RBM20: variants seen among roughly 807,000 people sequenced by gnomAD.
The protein encoded by RBM20 is RNA binding motif protein 20.
In RBM20, 51 loss-of-function variants were observed where a neutral mutation model predicts 110.1. That is an observed-to-expected ratio of 0.46 (90% CI 0.37 to 0.59). The LOEUF (loss-of-function observed/expected upper bound fraction) is 0.59. Ranked by LOEUF, RBM20 falls within the 20% of genes least tolerant of loss-of-function variation. The pLI, the probability that RBM20 is intolerant of heterozygous loss-of-function variation, is 0.00. For missense variants in RBM20, 1,512 were observed against 1,574.9 expected, an observed-to-expected ratio of 0.96 and a Z score of 0.68; for synonymous variants, 589 against 618.2, an observed-to-expected ratio of 0.95 and a Z score of 0.70.
In RBM20 at chr10:110,800,534, G is replaced by A. The variant is rs185035891; in HGVS notation, c.1800+616G>A. 9.2e-4 allele frequency among the ~76,000 whole-genome samples: 140 copies of A among 152,170 alleles called. 1 individual carries two copies. The highest frequency in any genetic ancestry group is 3.1e-3 in the African/African-American group (128 of 41,504). On this transcript the variant is annotated intron_variant, in intron 7 of 13. Coordinates refer to ENST00000369519, the MANE Select transcript of RBM20 (RefSeq NM_001134363.3). ...ACAGAAAAATGGCTGATTATATATT[G>A]TATGGTTTAAAAAGTAATAATGGGT...
intron 10 of RBM20, 65 bp from the exon 11 acceptor site, chr10:110,821,210 G>C: frequency 1.4e-6 from 2 of 1,388,764 alleles, no homozygotes; most frequent in East Asian, 5.0e-5. Context: ...TTATGGCCAA[G>C]TCTTGTGCCT....
intron 5 of RBM20, among the ~76,000 whole-genome samples, chr10:110,795,082 A>G (rs947127840): frequency 2.4e-4 from 37 of 152,244 alleles, no homozygotes; most frequent in African/African-American, 8.9e-4. Context: ...GCAAAGTCAC[A>G]TGGGGCAGAA....
chr10:110,819,125 G>C (rs1487000094), intron 9 of RBM20, among the ~76,000 whole-genome samples: 1 of 152,192 alleles, frequency 6.6e-6, no homozygotes, highest in Non-Finnish European at 1.5e-5. Context: ...GAATGTCCTA[G>C]AACTGCAGCT....
chr10:110,665,188 T>C (rs546682039), intron 1 of RBM20, among the ~76,000 whole-genome samples: 13 of 152,298 alleles, frequency 8.5e-5, no homozygotes, highest in African/African-American at 2.9e-4. Context: ...AAATTCTTCA[T>C]AGAAGAATGC....
chr10:110,701,104 G>A (rs1236264821), intron 1 of RBM20, among the ~76,000 whole-genome samples: 1 of 152,170 alleles, frequency 6.6e-6, no homozygotes. Flanking sequence ...TCATTGCAAA[G>A]GAAATGTCAT....
At position 110,644,741 on chromosome 10, in the gene RBM20, C is replaced by T. The variant is rs1861844172; in HGVS notation, c.191+96C>T. On this transcript the variant is annotated intron_variant, in intron 1 of 13. Transcript: ENST00000369519. This position sits in a 1 kb window ranked among gnomAD's most constrained non-coding sequence, Gnocchi z 4.3. ...TTCATTTCCCGTCCCTGCTGAACTT[C>T]GCTCGCCCCCCTTGGGTTTGAAGTT... 7.4e-6 allele frequency: 7 copies of T among 948,174 alleles called. No homozygotes were observed. The highest frequency in any genetic ancestry group is 3.2e-5 in the East Asian group (1 of 31,484). 58.7% of individuals were successfully genotyped at this position (948,174 alleles called of 1,614,324 possible).
At chr10:110,835,691 G>A (rs114129064) in intron 13 of RBM20, 177 bp from the exon 14 acceptor site, 253 of 521,500 alleles carry the variant, frequency 4.9e-4, no homozygotes, top group African/African-American at 4.3e-3. Context: ...AACATAATGA[G>A]GTACTTAGCA....
intron 1 of RBM20, among the ~76,000 whole-genome samples, chr10:110,768,217 G>T (rs777510239): frequency 6.6e-6 from 1 of 151,334 alleles, no homozygotes; most frequent in Non-Finnish European, 1.5e-5. Flanking sequence ...GAGGTAGACC[G>T]TGGAAAGAGG....
intron 1 of RBM20, among the ~76,000 whole-genome samples, chr10:110,695,160 C>T (rs2134882841): frequency 6.6e-6 from 1 of 152,232 alleles, no homozygotes; most frequent in African/African-American, 2.4e-5. Flanking sequence ...TTTTCTGGCC[C>T]CTGCTGAGTG....
intron 2 of RBM20, among the ~76,000 whole-genome samples, 163 bp downstream of exon 2, chr10:110,782,047 G>C (rs1055901394): frequency 1.3e-5 from 2 of 152,214 alleles, no homozygotes; most frequent in African/African-American, 4.8e-5. Flanking sequence ...GGACCCATAG[G>C]AATTTCAGAA....
chr10:110,724,515 A>G lies in RBM20; in HGVS notation c.192-56286A>G, dbSNP rs148616900. On this transcript the variant is annotated intron_variant, in intron 1 of 13. Transcript: ENST00000369519. ...GTTCTGTTTCTGGAGACAGAGCAGG[A>G]ACCATTGACTTGAATCACGTTAGCA... 2.9e-3 allele frequency among the ~76,000 whole-genome samples: 437 copies of G among 152,344 alleles called. 6 individuals are homozygous for G. The highest frequency in any genetic ancestry group is 9.7e-3 in the African/African-American group (404 of 41,574).
chr10:110,769,364 T>C (rs939825355), intron 1 of RBM20, among the ~76,000 whole-genome samples: 2 of 152,190 alleles, frequency 1.3e-5, no homozygotes, highest in Admixed American at 6.5e-5. Flanking sequence ...AACTTTCAGC[T>C]TTCTGGAAGC....
chr10:110,721,746 C>A (rs1456833980), intron 1 of RBM20, among the ~76,000 whole-genome samples: 2 of 152,114 alleles, frequency 1.3e-5, no homozygotes, highest in African/African-American at 4.8e-5. Flanking sequence ...CTCTCTGCAC[C>A]TTCTCATTTC....
chr10:110,742,215 A>T (rs530956885), intron 1 of RBM20, among the ~76,000 whole-genome samples: 1 of 152,258 alleles, frequency 6.6e-6, no homozygotes, highest in South Asian at 2.1e-4. Context: ...TGACTTTTCT[A>T]TCTACACCTC....
chr10:110,713,729 G>C (rs756496486), intron 1 of RBM20, among the ~76,000 whole-genome samples: 1 of 152,152 alleles, frequency 6.6e-6, no homozygotes. Context: ...CCCTAAAGTA[G>C]GTAGAGCACA....
chr10:110,658,957 T>A (rs1192661661), intron 1 of RBM20, among the ~76,000 whole-genome samples: 3 of 152,178 alleles, frequency 2.0e-5, no homozygotes, highest in East Asian at 3.9e-4. Context: ...GTCCGTGCTC[T>A]CCTCTTGCTT....
chr10:110,750,232 A>G (rs1843835314), intron 1 of RBM20, among the ~76,000 whole-genome samples: 1 of 152,238 alleles, frequency 6.6e-6, no homozygotes, highest in Non-Finnish European at 1.5e-5. Flanking sequence ...TTTTAAGACA[A>G]CACAAAGCAA....
intron 12 of RBM20, among the ~76,000 whole-genome samples, chr10:110,824,489 G>A (rs1844958316): frequency 1.3e-5 from 2 of 152,196 alleles, no homozygotes; most frequent in Admixed American, 1.3e-4. Context: ...GGGTGACTGT[G>A]TGCCCTCAGG....
chr10:110,778,061 A>G (rs1484832558), intron 1 of RBM20, among the ~76,000 whole-genome samples: 1 of 152,182 alleles, frequency 6.6e-6, no homozygotes, highest in Non-Finnish European at 1.5e-5. Context: ...CTACATAGAC[A>G]TTGGTCGCTC....
Sources: gnomAD v4.1 joint callset for allele counts (sites outside exome capture counted in the v4.1 genomes callset) on GRCh38, gnomAD v4.1.1 for gene constraint, Gnocchi (gnomAD v3.1) non-coding constraint, MANE v1.5 for transcripts, NCBI Gene and HGNC (gene_info 2026-07-23, HGNC 2026-07-21) for gene names.